Variants in FAM184A observed in about 807,000 individuals in gnomAD.
FAM184A encodes protein FAM184A.
FAM184A carries 99 observed loss-of-function variants against 143.8 expected under a neutral mutation model. The ratio of observed to expected loss-of-function variants is 0.69; its 90% CI spans 0.58 to 0.81. The LOEUF (loss-of-function observed/expected upper bound fraction) is 0.81, where lower values mean the gene tolerates loss of function less well. Among genes scored for constraint, FAM184A ranks in the 40% least tolerant of loss-of-function variants. FAM184A has a pLI of 0.00. For synonymous variants in FAM184A, 427 were observed against 446.4 expected (o/e 0.96, Z 0.55); for missense variants, 1,217 against 1,310.5 (o/e 0.93, Z 1.10).
At chr6:118,985,359 C>T (rs749755651) in intron 9 of FAM184A, among the ~76,000 whole-genome samples, 4 of 152,188 alleles carry the variant, frequency 2.6e-5, no homozygotes, top group African/African-American at 7.2e-5. Flanking sequence ...TGAGAGTGTC[C>T]TGACCTGCAG....
intron 1 of FAM184A, among the ~76,000 whole-genome samples, chr6:119,085,577 A>C (rs1323276320): frequency 6.6e-6 from 1 of 151,638 alleles, no homozygotes; most frequent in East Asian, 1.9e-4. Context: ...AGCACTTCAC[A>C]CTCTTCCAAT....
intron 1 of FAM184A, among the ~76,000 whole-genome samples, chr6:119,095,869 A>AT (rs200273874): frequency 1.0e-3 from 157 of 152,130 alleles, no homozygotes; most frequent in African/African-American, 3.4e-3. Flanking sequence ...AGGTTTTTCT[A>AT]TTTTTTTGTG....
At chr6:118,968,771 G>A (rs1783577920) in intron 14 of FAM184A, among the ~76,000 whole-genome samples, 1 of 152,144 alleles carries the variant, frequency 6.6e-6, no homozygotes, top group Non-Finnish European at 1.5e-5. Flanking sequence ...TTTGTTAATT[G>A]AGAAGTTAAG....
In FAM184A at chr6:119,016,864, C is replaced by T. The variant is rs2114673186; in HGVS notation, c.1413G>A (p.Glu471=). The stretch of plus-strand genomic sequence containing the variant: ...AATGGGCCTCGTTTAATTGAGTCAC[C>T]TCCTCTTCCAATCTACTTTGCAGGT... The part of the protein sequence containing the change: ...LKNLQSRLEE[E]VTQLNEAHSK... Residue 471 remains glutamate, a synonymous_variant, in exon 5 of 18, where the codon GAG becomes GAA. Coordinates refer to ENST00000338891, the MANE Select transcript of FAM184A (RefSeq NM_024581.6). 6.2e-7 allele frequency: 1 copy of T among 1,614,002 alleles called. No individual in the cohort carries two copies. Among genetic ancestry groups the T allele is most frequent in the Non-Finnish European group, 8.5e-7 (1 of 1,179,912 alleles).
At chr6:119,076,931 GA>G (rs1198807544) in intron 1 of FAM184A, among the ~76,000 whole-genome samples, 1 of 152,072 alleles carries the variant, frequency 6.6e-6, no homozygotes, top group Non-Finnish European at 1.5e-5. Flanking sequence ...TCAAACAAAA[GA>G]CAAAAAAGAA....
At chr6:118,989,168 A>G (rs1043304928) in intron 9 of FAM184A, among the ~76,000 whole-genome samples, 6 of 151,738 alleles carry the variant, frequency 4.0e-5, no homozygotes, top group Admixed American at 6.6e-5. Context: ...TCACCATGTT[A>G]GCCAGGATGG....
In FAM184A at chr6:118,966,750, C is replaced by T. The variant is rs76916558; in HGVS notation, c.3033+85G>A. On this transcript the variant is annotated intron_variant, in intron 15 of 17. Transcript: ENST00000338891. ...TTCTGTGTTTTCTATTTTCACTTAGCATTACTTAAAAAGATTGTCCCATAT... is the reference window on the plus strand; with the variant it reads ...TTCTGTGTTTTCTATTTTCACTTAGTATTACTTAAAAAGATTGTCCCATAT... The T allele has an allele frequency of 2.2e-3, 1,287 of 581,646 alleles. 8 individuals are homozygous for T. Among genetic ancestry groups the T allele is most frequent in the African/African-American group, 0.021 (1,119 of 52,626 alleles). The allele number at this position is 581,646 out of a possible 1,614,324, so 36.0% of individuals were successfully genotyped here. A position where few individuals can be genotyped will look rare whatever the true frequency, so the allele number is the denominator to read the frequency against.
chr6:119,088,166 G>T (rs1236357913), intron 1 of FAM184A, among the ~76,000 whole-genome samples: 1 of 152,130 alleles, frequency 6.6e-6, no homozygotes, highest in Non-Finnish European at 1.5e-5. Context: ...AATGAATGGT[G>T]GTGATGGTTG....
intron 6 of FAM184A, among the ~76,000 whole-genome samples, chr6:119,007,648 T>C (rs953740778): frequency 6.6e-6 from 1 of 152,144 alleles, no homozygotes; most frequent in African/African-American, 2.4e-5. Context: ...TTATAAAGAA[T>C]AGTATTCTAG....
chr6:118,976,185 G>T, intron 11 of FAM184A, 141 bp from the exon 12 acceptor site: 1 of 771,760 alleles, frequency 1.3e-6, no homozygotes, highest in Non-Finnish European at 2.0e-6. Flanking sequence ...TATAAACTAT[G>T]ACAAATTTAA....
At position 118,974,425 on chromosome 6, in the gene FAM184A, T is replaced by TA. The variant is rs1250902650; in HGVS notation, c.2915+2dup. The TA allele has an allele frequency of 1.2e-6, 2 of 1,607,590 alleles. No homozygotes were observed. Among genetic ancestry groups the TA allele is most frequent in the South Asian group, 1.1e-5 (1 of 89,420 alleles). Reference sequence around the variant, plus strand: ...ATGAATTTTCTTATATAATATGACTTACGACACTTGTAAAGCGGCATTTAT... The same window carrying TA: ...ATGAATTTTCTTATATAATATGACTTAACGACACTTGTAAAGCGGCATTTAT... On this transcript the variant is annotated splice_region_variant and intron_variant, in intron 14 of 17. Coordinates refer to ENST00000338891, the MANE Select transcript of FAM184A (RefSeq NM_024581.6).
chr6:119,093,308 C>T (rs1004091574), intron 1 of FAM184A, among the ~76,000 whole-genome samples: 2 of 152,108 alleles, frequency 1.3e-5, no homozygotes, highest in African/African-American at 4.8e-5. Flanking sequence ...GGCATCTCTA[C>T]ATTGTTATCA....
chr6:119,096,480 CA>C lies in FAM184A; in HGVS notation c.-202+52597del, dbSNP rs1338838113. ...TGAAACCCCGTCTCTACTAAAAATACAAAAAATTAGCCGGGCGCGGTGGCGG... is the reference window on the plus strand; with the variant it reads ...TGAAACCCCGTCTCTACTAAAAATACAAAAATTAGCCGGGCGCGGTGGCGG... On this transcript the variant is annotated intron_variant, in intron 1 of 16. Coordinates refer to the FAM184A transcript ENST00000352896. 1.1e-4 allele frequency among the ~76,000 whole-genome samples: 9 copies of C among 81,174 alleles called. 3 individuals carry two copies. The highest frequency in any genetic ancestry group is 4.1e-4 in the African/African-American group (9 of 22,180). The allele number at this position is 81,174 out of a possible 152,430, so 53.3% of individuals were successfully genotyped here.
At chr6:119,040,816 C>T (rs940577269) in intron 1 of FAM184A, among the ~76,000 whole-genome samples, 1 of 152,118 alleles carries the variant, frequency 6.6e-6, no homozygotes, top group African/African-American at 2.4e-5. Flanking sequence ...AGGACTCCAC[C>T]CACTTGCTTT....
intron 1 of FAM184A, among the ~76,000 whole-genome samples, chr6:119,110,662 G>C (rs1014572588): frequency 2.0e-5 from 3 of 152,172 alleles, no homozygotes; most frequent in Non-Finnish European, 4.4e-5. Context: ...TGAATGTGTG[G>C]TTGGCTGAGA....
Position 119,083,782 on chromosome 6 carries a change from C to A in FAM184A, c.-201-58969G>T, listed in dbSNP as rs142526022. 2.6e-3 allele frequency among the ~76,000 whole-genome samples: 401 copies of A among 152,292 alleles called. 4 individuals carry two copies. The highest frequency in any genetic ancestry group is 9.2e-3 in the African/African-American group (383 of 41,570). On this transcript the variant is annotated intron_variant, in intron 1 of 16. Coordinates refer to the FAM184A transcript ENST00000352896. ...AAGTCTCTAGGAAGTTCCAAACTTT[C>A]CCACATCTTCTTATCTTCCTCTGAG...
At position 119,044,587 on chromosome 6, in the gene FAM184A, T is replaced by A. The variant is rs139880460; in HGVS notation, c.160-19774A>T. Among the ~76,000 whole-genome samples, 208 of 149,804 alleles carry A rather than the reference T, an allele frequency of 1.4e-3. 1 individual carries two copies. Among genetic ancestry groups the A allele is most frequent in the African/African-American group, 4.9e-3 (200 of 40,768 alleles). ...AACAAAGCGAGAACTTGTCTCTCTT[T>A]AATTAAAAAAAAAAAAAGATCAACA... is the stretch of plus-strand genomic sequence containing the variant. On this transcript the variant is annotated intron_variant, in intron 1 of 17. Transcript: ENST00000338891.
intron 14 of FAM184A, among the ~76,000 whole-genome samples, chr6:118,971,078 C>A (rs1175793674): frequency 6.6e-6 from 1 of 152,164 alleles, no homozygotes; most frequent in African/African-American, 2.4e-5. Flanking sequence ...ACTCCTATAT[C>A]ATCATTTTCT....
At chr6:119,129,686 G>GT (rs550245659) in intron 1 of FAM184A, among the ~76,000 whole-genome samples, 4 of 148,124 alleles carry the variant, frequency 2.7e-5, no homozygotes, top group South Asian at 2.2e-4. Context: ...ATAGGGGGGT[G>GT]TTTTTTGGTT....
Sources: allele counts gnomAD v4.1 joint callset (sites outside exome capture counted in the v4.1 genomes callset), GRCh38; gene constraint gnomAD v4.1.1; transcripts MANE v1.5; gene names NCBI Gene and HGNC (gene_info 2026-07-23, HGNC 2026-07-21).